GLRB: variants seen among roughly 807,000 people sequenced by gnomAD.
GLRB encodes glycine receptor subunit beta.
Under a neutral mutation model 54.2 loss-of-function variants are expected in GLRB, and 33 were observed. The observed-to-expected ratio is 0.61, with a 90% CI of 0.46 to 0.81. The LOEUF (loss-of-function observed/expected upper bound fraction) is 0.81. Ranked by LOEUF, GLRB falls within the 40% of genes least tolerant of loss-of-function variation. The pLI is 0.00. For missense variants in GLRB, 572 were observed against 584.6 expected, an observed-to-expected ratio of 0.98 and a Z score of 0.22; for synonymous variants, 209 against 208.2, an observed-to-expected ratio of 1.00 and a Z score of -0.03.
intron 2 of GLRB, among the ~76,000 whole-genome samples, chr4:157,104,175 G>A (rs1735139256): frequency 1.3e-5 from 2 of 152,088 alleles, no homozygotes; most frequent in South Asian, 2.1e-4. Flanking sequence ...TGGGAATGAT[G>A]TTCTCTGTGA....
chr4:157,144,077 T>C (rs1167354911), intron 8 of GLRB, 118 bp downstream of exon 8: 10 of 1,044,274 alleles, frequency 9.6e-6, no homozygotes, highest in Non-Finnish European at 1.5e-5. Flanking sequence ...CCAATTTCGG[T>C]GTTTAAAGAC....
intron 9 of GLRB, among the ~76,000 whole-genome samples, chr4:157,161,775 A>C (rs1177728222): frequency 6.6e-6 from 1 of 151,920 alleles, no homozygotes; most frequent in Non-Finnish European, 1.5e-5. Context: ...TTTTTCCTTC[A>C]TTTCAACTTT....
Position 157,152,657 on chromosome 4 carries a change from T to A in GLRB, c.905-61T>A, listed in dbSNP as rs200083806. The stretch of plus-strand genomic sequence containing the variant: ...GGAGACGGATTTAGTCAAAGAGTAA[T>A]GACCCCAGAACATCTCATAGGGATA... On this transcript the variant is annotated intron_variant, in intron 8 of 9. Coordinates refer to ENST00000264428, the MANE Select transcript of GLRB (RefSeq NM_000824.5). 2,115 of 1,296,566 alleles carry A rather than the reference T, an allele frequency of 1.6e-3. 14 individuals carry two copies. Among genetic ancestry groups the A allele is most frequent in the South Asian group, 0.011 (924 of 84,640 alleles). 80.3% of individuals were successfully genotyped at this position (1,296,566 alleles called of 1,614,324 possible). A position where few individuals can be genotyped will look rare whatever the true frequency, so the allele number is the denominator to read the frequency against.
At position 157,120,655 on chromosome 4, in the gene GLRB, C is replaced by T. The variant is rs147802211; in HGVS notation, c.222C>T (p.Asn74=). 51 of 1,501,820 alleles carry T rather than the reference C, an allele frequency of 3.4e-5. No individual in the cohort carries two copies. The African/African-American group carries it at 6.8e-4, about 20-fold the overall frequency. The allele number at this position is 1,501,820 out of a possible 1,614,324, so 93.0% of individuals were successfully genotyped here. ...GTTATGATCCCAGGATAAGACCAAA[C>T]TTCAAAGGTTTGTCTCCCCCATATA... ...LVSYDPRIRP[N]FKGIPVDVVV... The change falls in exon 3 of 10, where the codon AAC becomes AAT. Residue 74 remains asparagine, a synonymous_variant. Coordinates refer to ENST00000264428, the MANE Select transcript of GLRB (RefSeq NM_000824.5).
At chr4:157,083,553 T>C (rs191246923) in intron 2 of GLRB, among the ~76,000 whole-genome samples, 3 of 152,262 alleles carry the variant, frequency 2.0e-5, no homozygotes, top group East Asian at 3.9e-4. Flanking sequence ...GAGACTGATA[T>C]AATGTGATTT....
chr4:157,092,891 G>A (rs532221529), intron 2 of GLRB, among the ~76,000 whole-genome samples: 18 of 152,222 alleles, frequency 1.2e-4, no homozygotes, highest in South Asian at 6.2e-4. Flanking sequence ...TGGAAGTCTC[G>A]AAAACAGTAG....
intron 9 of GLRB, among the ~76,000 whole-genome samples, chr4:157,164,143 TA>T (rs1179435233): frequency 6.6e-6 from 1 of 150,832 alleles, no homozygotes; most frequent in Non-Finnish European, 1.5e-5. Flanking sequence ...CCTTTACCAG[TA>T]TTTTTTTTTT....
At chr4:157,147,552 A>G (rs1288649780) in intron 8 of GLRB, among the ~76,000 whole-genome samples, 1 of 152,212 alleles carries the variant, frequency 6.6e-6, no homozygotes, top group African/African-American at 2.4e-5. Context: ...TAGCTAGGGT[A>G]AGAATAAAAG....
chr4:157,132,232 G>A (rs770577612), intron 4 of GLRB, among the ~76,000 whole-genome samples: 3 of 151,576 alleles, frequency 2.0e-5, no homozygotes, highest in Non-Finnish European at 4.4e-5. Context: ...CAGATCTTTT[G>A]GACATTTTTT....
intron 2 of GLRB, among the ~76,000 whole-genome samples, chr4:157,111,194 T>C (rs574018299): frequency 6.6e-6 from 1 of 152,022 alleles, no homozygotes; most frequent in East Asian, 1.9e-4. Context: ...ATGGCAGACA[T>C]GTGGTTCAAG....
chr4:157,153,393 A>G (rs1037679937), intron 9 of GLRB, among the ~76,000 whole-genome samples: 4 of 152,120 alleles, frequency 2.6e-5, no homozygotes, highest in African/African-American at 9.7e-5. Flanking sequence ...GTGGGGCATC[A>G]CTGATCATCT....
At chr4:157,136,728 T>C (rs762714592) in intron 5 of GLRB, 30 bp downstream of exon 5, 1 of 1,526,098 alleles carries the variant, frequency 6.6e-7, no homozygotes, top group Admixed American at 1.7e-5. Flanking sequence ...ATTTGTGCAT[T>C]TATATTTTCC....
At chr4:157,085,566 G>A (rs748663402) in intron 2 of GLRB, among the ~76,000 whole-genome samples, 7 of 151,688 alleles carry the variant, frequency 4.6e-5, no homozygotes, top group African/African-American at 9.7e-5. Flanking sequence ...GCATGATCTC[G>A]CCTCACTGCA....
chr4:157,079,104 T>A (rs1734140462), intron 2 of GLRB, among the ~76,000 whole-genome samples: 1 of 152,152 alleles, frequency 6.6e-6, no homozygotes, highest in Admixed American at 6.5e-5. Context: ...AAGATTAACA[T>A]TACTGGTCAA....
In GLRB at chr4:157,097,617, G is replaced by C. The variant is rs191473754; in HGVS notation, c.122+19471G>C. Among the ~76,000 whole-genome samples, 168 of 152,266 alleles carry C rather than the reference G, an allele frequency of 1.1e-3. 3 individuals are homozygous for C. In the Middle Eastern group the frequency reaches 0.014, roughly 12 times the overall value. On this transcript the variant is annotated intron_variant, in intron 2 of 9. Transcript: ENST00000264428. ...TTTTTCCATGTTTTAAAAAAGTTGA[G>C]TTCCAACATTCAGCAAAATATATAA...
intron 9 of GLRB, among the ~76,000 whole-genome samples, 179 bp from the exon 10 acceptor site, chr4:157,170,253 G>T (rs987273707): frequency 7.2e-5 from 11 of 152,034 alleles, no homozygotes; most frequent in African/African-American, 2.7e-4. Context: ...CAATATTTTA[G>T]AGCCCTAAAT....
intron 9 of GLRB, among the ~76,000 whole-genome samples, chr4:157,167,863 C>T (rs1737771070): frequency 1.3e-5 from 2 of 152,088 alleles, no homozygotes; most frequent in Non-Finnish European, 1.5e-5. Flanking sequence ...TGCAGGAAAG[C>T]TGGCATGTCA....
intron 9 of GLRB, among the ~76,000 whole-genome samples, chr4:157,154,165 C>G (rs1737133617): frequency 6.6e-6 from 1 of 152,108 alleles, no homozygotes; most frequent in Admixed American, 6.5e-5. Context: ...ACTATCTTGG[C>G]CTTAAAGATG....
chr4:157,170,276 T>G (rs2126637257), intron 9 of GLRB, among the ~76,000 whole-genome samples, 156 bp from the exon 10 acceptor site: 1 of 152,264 alleles, frequency 6.6e-6, no homozygotes, highest in South Asian at 2.1e-4. Flanking sequence ...TCAGGCAATC[T>G]GATGGTTTAA....
Sources: gnomAD v4.1 joint callset for allele counts (sites outside exome capture counted in the v4.1 genomes callset) on GRCh38, gnomAD v4.1.1 for gene constraint, MANE v1.5 for transcripts, NCBI Gene and HGNC (gene_info 2026-07-23, HGNC 2026-07-21) for gene names.